PDE10A: variants seen among roughly 807,000 people sequenced by gnomAD.
PDE10A encodes the protein cAMP and cAMP-inhibited cGMP 3',5'-cyclic phosphodiesterase 10A.
PDE10A carries 39 observed loss-of-function variants against 97.7 expected under a neutral mutation model. The ratio of observed to expected loss-of-function variants is 0.40; its 90% CI spans 0.31 to 0.52. The LOEUF (loss-of-function observed/expected upper bound fraction) is 0.52, where lower values mean the gene tolerates loss of function less well. PDE10A is among the 20% of genes least tolerant of loss of function. PDE10A has a pLI of 0.56. For synonymous variants in PDE10A, 371 were observed against 376.8 expected, an observed-to-expected ratio of 0.98 and a Z score of 0.18; for missense variants, 731 against 1,047.8, an observed-to-expected ratio of 0.70 and a Z score of 4.17.
rs945129210 is a variant in PDE10A, at chr6:165,418,398, G to A, written c.1796+237C>T. Among the ~76,000 whole-genome samples the A allele has an allele frequency of 2.0e-5, 3 of 152,074 alleles. No homozygotes were observed. The highest frequency in any genetic ancestry group is 2.9e-5 in the Non-Finnish European group (2 of 68,010). On this transcript the variant is annotated intron_variant, in intron 11 of 21. Transcript: ENST00000539869. The surrounding 1 kb of genome is among the most constrained non-coding windows in gnomAD (Gnocchi z 4.8). ...TTCCAACATGATTTCCAAAAGGACC[G>A]CCTCCGGAAGACGGCATTTCCAGGA...
intron 17 of PDE10A, among the ~76,000 whole-genome samples, chr6:165,383,429 G>A (rs554575): frequency 0.55 from 84,008 of 151,924 alleles, 24,229 homozygotes; most frequent in African/African-American, 0.72. Context: ...TCTTGGATGT[G>A]ACTGTCCACA....
intron 1 of PDE10A, among the ~76,000 whole-genome samples, chr6:165,708,658 G>C (rs1277919893): frequency 1.3e-5 from 2 of 151,426 alleles, no homozygotes; most frequent in Admixed American, 6.6e-5. Flanking sequence ...GCATCCAATC[G>C]ACCCGGCCGA....
At chr6:165,893,273 C>T (rs545434117) in intron 1 of PDE10A, among the ~76,000 whole-genome samples, 2 of 152,346 alleles carry the variant, frequency 1.3e-5, no homozygotes, top group South Asian at 2.1e-4. Flanking sequence ...TTTTGCCCCT[C>T]GCCCTGCGAA....
chr6:165,365,677 G>A (rs1783723845), intron 18 of PDE10A, among the ~76,000 whole-genome samples: 1 of 152,098 alleles, frequency 6.6e-6, no homozygotes, highest in Non-Finnish European at 1.5e-5. Flanking sequence ...CTGTGGTTGT[G>A]CCACTGTACT....
intron 1 of PDE10A, among the ~76,000 whole-genome samples, chr6:165,801,074 G>T (rs9355549): frequency 0.43 from 64,800 of 152,114 alleles, 14,538 homozygotes; most frequent in Middle Eastern, 0.52. Flanking sequence ...GGGATCATCA[G>T]TGCTTCCTGA....
rs554848736 is a variant in PDE10A, at chr6:165,403,306, C to G, written c.2077-6847G>C. 3.3e-5 allele frequency among the ~76,000 whole-genome samples: 5 copies of G among 152,222 alleles called. No individual in the cohort carries two copies. The South Asian group carries it at 1.0e-3, about 32-fold the overall frequency. On this transcript the variant is annotated intron_variant, in intron 13 of 21. Coordinates refer to ENST00000539869, the MANE Select transcript of PDE10A (RefSeq NM_001385079.1). ...CTTTTCTGTTGTGGCAGTGGTGCACCGAACTGGCTTGCAAGAGCCAATTAT... is the reference window on the plus strand; with the variant it reads ...CTTTTCTGTTGTGGCAGTGGTGCACGGAACTGGCTTGCAAGAGCCAATTAT...
chr6:165,486,849 A>G (rs1779952231), intron 2 of PDE10A, among the ~76,000 whole-genome samples: 1 of 152,236 alleles, frequency 6.6e-6, no homozygotes, highest in Admixed American at 6.5e-5. Flanking sequence ...AGCTGTGTTC[A>G]AGTCGGCAGA....
intron 1 of PDE10A, among the ~76,000 whole-genome samples, chr6:165,969,428 C>G (rs1295343826): frequency 6.6e-6 from 1 of 152,126 alleles, no homozygotes; most frequent in African/African-American, 2.4e-5. Context: ...AAATAAGACA[C>G]AGCTGTAGCT....
intron 18 of PDE10A, among the ~76,000 whole-genome samples, chr6:165,357,282 C>T (rs1379903922): frequency 6.6e-6 from 1 of 152,114 alleles, no homozygotes; most frequent in African/African-American, 2.4e-5. Context: ...ATGAATTTTA[C>T]AGTTATACTT....
At chr6:165,584,249 G>A (rs1224477493) in intron 1 of PDE10A, among the ~76,000 whole-genome samples, 1 of 152,220 alleles carries the variant, frequency 6.6e-6, no homozygotes, top group Non-Finnish European at 1.5e-5. Flanking sequence ...AGGAGTTGCA[G>A]TTGAGGACTC....
intron 1 of PDE10A, among the ~76,000 whole-genome samples, chr6:165,707,641 G>A (rs1007718269): frequency 7.9e-5 from 12 of 151,670 alleles, no homozygotes; most frequent in Non-Finnish European, 1.6e-4. Flanking sequence ...GTGTGTGTGC[G>A]CATGTTTGGG....
rs904624773 is a variant in PDE10A at position 165,438,933 on chromosome 6, G to C, written c.1195-3556C>G. 3.4e-5 allele frequency among the ~76,000 whole-genome samples: 5 copies of C among 148,278 alleles called. No homozygotes were observed. The Admixed American group carries it at 3.4e-4, about 10-fold the overall frequency. On this transcript the variant is annotated intron_variant, in intron 5 of 21. Coordinates refer to ENST00000539869, the MANE Select transcript of PDE10A (RefSeq NM_001385079.1). The stretch of plus-strand genomic sequence containing the variant: ...ATATTGTGCCACCGTACTCCAGCTT[G>C]GGTGACAGAGTGAGACCCTGCTTAA...
chr6:165,599,920 G>A (rs1236010416), intron 1 of PDE10A, among the ~76,000 whole-genome samples: 7 of 152,108 alleles, frequency 4.6e-5, no homozygotes, highest in African/African-American at 7.2e-5. Context: ...GGAGGCAAAG[G>A]TGACACACTG....
chr6:165,364,234 G>A (rs1232273757), intron 18 of PDE10A, among the ~76,000 whole-genome samples: 2 of 152,178 alleles, frequency 1.3e-5, no homozygotes, highest in African/African-American at 2.4e-5. Context: ...ACTTTTGGAA[G>A]GAAGGTGATT....
At chr6:165,631,567 T>C (rs1317807633) in intron 1 of PDE10A, among the ~76,000 whole-genome samples, 1 of 152,222 alleles carries the variant, frequency 6.6e-6, no homozygotes, top group African/African-American at 2.4e-5. Context: ...TACTACAGAT[T>C]CAGTAAAATT....
Position 165,874,880 on chromosome 6 carries a change from C to A in PDE10A, c.-615+112649G>T, listed in dbSNP as rs993561807. Among the ~76,000 whole-genome samples the A allele has an allele frequency of 3.3e-5, 5 of 152,156 alleles. No homozygotes were observed. In the South Asian group the frequency reaches 6.2e-4, roughly 19 times the overall value. On this transcript the variant is annotated intron_variant, in intron 1 of 19. Transcript: ENST00000366882. ...AGGCTTATTTGCTTCCTCACTTCTC[C>A]AGGGCTCAAAAAGACAAGGAACTTA...
At chr6:165,368,431 T>C (rs1783972091) in intron 18 of PDE10A, among the ~76,000 whole-genome samples, 1 of 152,242 alleles carries the variant, frequency 6.6e-6, no homozygotes, top group African/African-American at 2.4e-5. Flanking sequence ...GAGGTATAAA[T>C]TGAATTATTT....
At chr6:165,534,311 CAA>C (rs71029552) in intron 2 of PDE10A, among the ~76,000 whole-genome samples, 37 of 130,750 alleles carry the variant, frequency 2.8e-4, no homozygotes, top group Admixed American at 3.8e-4. Context: ...AGTCTTCCAT[CAA>C]AAAAAAAAAA....
intron 16 of PDE10A, among the ~76,000 whole-genome samples, chr6:165,389,229 A>C (rs1457158398): frequency 6.6e-6 from 1 of 152,190 alleles, no homozygotes; most frequent in East Asian, 1.9e-4. Context: ...CACGGTTTTT[A>C]GCAGAGCAGT....
Sources: allele counts gnomAD v4.1 joint callset (sites outside exome capture counted in the v4.1 genomes callset), GRCh38; gene constraint gnomAD v4.1.1; non-coding constraint Gnocchi (gnomAD v3.1); transcripts MANE v1.5; gene names NCBI Gene and HGNC (gene_info 2026-07-23, HGNC 2026-07-21).